Variants in NLK observed in about 807,000 individuals in gnomAD.
NLK encodes serine/threonine-protein kinase NLK.
NLK carries 11 observed loss-of-function variants against 59.0 expected under a neutral mutation model. The ratio of observed to expected loss-of-function variants is 0.19; its 90% CI spans 0.12 to 0.31. The LOEUF (loss-of-function observed/expected upper bound fraction) is 0.31. Among genes scored for constraint, NLK ranks in the 10% least tolerant of loss-of-function variants. The pLI, the probability that NLK is intolerant of heterozygous loss-of-function variation, is 1.00. For synonymous variants in NLK, 235 were observed against 235.9 expected, an observed-to-expected ratio of 1.00 and a Z score of 0.03; for missense variants, 410 against 661.1, an observed-to-expected ratio of 0.62 and a Z score of 4.16.
At chr17:28,096,448 A>ATTT (rs1287164984) in intron 1 of NLK, among the ~76,000 whole-genome samples, 6 of 151,980 alleles carry the variant, frequency 3.9e-5, no homozygotes, top group African/African-American at 1.4e-4. Context: ...TGTTCTTGTA[A>ATTT]TTTTTTTTAT....
At chr17:28,164,833 G>A (rs1295439132) in intron 5 of NLK, among the ~76,000 whole-genome samples, 3 of 152,158 alleles carry the variant, frequency 2.0e-5, no homozygotes, top group Non-Finnish European at 4.4e-5. Flanking sequence ...AAAACCAAGT[G>A]TATAAATAAA....
chr17:28,051,096 A>G (rs943743945), intron 1 of NLK, among the ~76,000 whole-genome samples: 3 of 151,804 alleles, frequency 2.0e-5, no homozygotes, highest in Non-Finnish European at 2.9e-5. Flanking sequence ...AAAAAAAAAA[A>G]AGTCAGAAAA....
chr17:28,052,012 A>T (rs1293585912), intron 1 of NLK, among the ~76,000 whole-genome samples: 1 of 149,898 alleles, frequency 6.7e-6, no homozygotes, highest in South Asian at 2.1e-4. Flanking sequence ...TTAAATGTTC[A>T]TTTTTTTTTC....
intron 7 of NLK, among the ~76,000 whole-genome samples, chr17:28,182,119 T>C (rs1908933255): frequency 6.6e-6 from 1 of 152,164 alleles, no homozygotes. Flanking sequence ...GGTTAAGACA[T>C]GTTGGATTTA....
At chr17:28,121,055 G>A (rs185324099) in intron 1 of NLK, among the ~76,000 whole-genome samples, 9 of 152,248 alleles carry the variant, frequency 5.9e-5, no homozygotes, top group Admixed American at 4.6e-4. Context: ...CTTAGAAAGA[G>A]ACATTAATGT....
At chr17:28,197,987 G>C (rs553568477), downstream of NLK, among the ~76,000 whole-genome samples, 37 of 152,292 alleles carry the variant, frequency 2.4e-4, no homozygotes, top group African/African-American at 8.9e-4. Flanking sequence ...AAAGAAATCA[G>C]TGAACACATG....
intron 10 of NLK, among the ~76,000 whole-genome samples, chr17:28,194,022 A>G (rs1909401125): frequency 6.6e-6 from 1 of 152,228 alleles, no homozygotes; most frequent in African/African-American, 2.4e-5. Flanking sequence ...TAACAGATCT[A>G]GATCACCAAT....
At chr17:28,059,822 T>G (rs1366012428) in intron 1 of NLK, among the ~76,000 whole-genome samples, 2 of 152,172 alleles carry the variant, frequency 1.3e-5, no homozygotes, top group South Asian at 4.1e-4. Flanking sequence ...TAATGTGAAG[T>G]CACTAAATGC....
intron 3 of NLK, among the ~76,000 whole-genome samples, chr17:28,156,577 A>G (rs1403118061): frequency 6.6e-6 from 1 of 151,640 alleles, no homozygotes; most frequent in Non-Finnish European, 1.5e-5. Flanking sequence ...TGGGAGGGGG[A>G]GGGGGATGGT....
chr17:28,046,299 T>C (rs189174784), intron 1 of NLK, among the ~76,000 whole-genome samples: 8 of 152,358 alleles, frequency 5.3e-5, no homozygotes, highest in Admixed American at 6.5e-5. Context: ...AGTGAATTAC[T>C]CATTAGCTTG....
chr17:28,191,262 A>G, intron 9 of NLK, 43 bp downstream of exon 9: 1 of 1,465,692 alleles, frequency 6.8e-7, no homozygotes, highest in Non-Finnish European at 9.2e-7. Flanking sequence ...TATGCCTAGT[A>G]ACATTTTCCA....
intron 1 of NLK, among the ~76,000 whole-genome samples, chr17:28,072,779 G>A (rs758816280): frequency 8.0e-4 from 121 of 151,744 alleles, no homozygotes; most frequent in Non-Finnish European, 1.4e-3. Flanking sequence ...GTTTATTTTC[G>A]AATCTGCCTG....
intron 3 of NLK, among the ~76,000 whole-genome samples, chr17:28,134,797 C>G (rs553413699): frequency 6.6e-6 from 1 of 152,288 alleles, no homozygotes; most frequent in East Asian, 1.9e-4. Context: ...ATAGCTGAAA[C>G]CTTGAACCTG....
At chr17:28,112,251 T>G (rs1192345055) in intron 1 of NLK, among the ~76,000 whole-genome samples, 3 of 152,114 alleles carry the variant, frequency 2.0e-5, no homozygotes, top group African/African-American at 7.2e-5. Flanking sequence ...ATAGGCTTTC[T>G]CTGTTCTTTT....
intron 3 of NLK, among the ~76,000 whole-genome samples, chr17:28,147,115 A>G (rs1436823497): frequency 6.6e-6 from 1 of 151,952 alleles, no homozygotes; most frequent in Non-Finnish European, 1.5e-5. Flanking sequence ...GTTGCCTTGC[A>G]TTCATCCATC....
At chr17:28,113,516 C>T (rs2142807331) in intron 1 of NLK, among the ~76,000 whole-genome samples, 1 of 152,288 alleles carries the variant, frequency 6.6e-6, no homozygotes, top group East Asian at 1.9e-4. Flanking sequence ...TATAGGGTAA[C>T]TTCTTGGTGT....
At chr17:28,162,594 G>T (rs947213021) in intron 4 of NLK, among the ~76,000 whole-genome samples, 1 of 152,068 alleles carries the variant, frequency 6.6e-6, no homozygotes, top group East Asian at 1.9e-4. Context: ...CCAAGATCGC[G>T]TCACTGCACT....
chr17:28,187,309 G>A (rs1258513076), intron 8 of NLK, among the ~76,000 whole-genome samples: 1 of 151,996 alleles, frequency 6.6e-6, no homozygotes, highest in African/African-American at 2.4e-5. Context: ...GTTTGGTTTG[G>A]TTTGGTGTTT....
intron 1 of NLK, among the ~76,000 whole-genome samples, chr17:28,120,264 GTGTGTGTGTA>G (rs1419995447): frequency 6.9e-4 from 104 of 150,342 alleles, no homozygotes; most frequent in African/African-American, 2.5e-3. Context: ...GTGTGTGTGT[GTGTGTGTGTA>G]TGTGTGTGTG....
Sources: allele counts gnomAD v4.1 joint callset (sites outside exome capture counted in the v4.1 genomes callset), GRCh38; gene constraint gnomAD v4.1.1; transcripts MANE v1.5; gene names NCBI Gene and HGNC (gene_info 2026-07-23, HGNC 2026-07-21).